Variants in TMEM132B observed in about 807,000 individuals in gnomAD.
TMEM132B encodes transmembrane protein 132B.
TMEM132B carries 18 observed loss-of-function variants against 90.8 expected under a neutral mutation model. The ratio of observed to expected loss-of-function variants is 0.20; its 90% CI spans 0.14 to 0.29. TMEM132B has a LOEUF of 0.29. Among genes scored for constraint, TMEM132B ranks in the 10% least tolerant of loss-of-function variants. The pLI, the probability that TMEM132B is intolerant of heterozygous loss-of-function variation, is 1.00. For synonymous variants in TMEM132B, 504 were observed against 523.3 expected, an observed-to-expected ratio of 0.96 and a Z score of 0.50; for missense variants, 1,096 against 1,326.8, an observed-to-expected ratio of 0.83 and a Z score of 2.70.
chr12:125,616,207 C>T (rs578221204), intron 5 of TMEM132B, among the ~76,000 whole-genome samples: 18 of 151,024 alleles, frequency 1.2e-4, no homozygotes, highest in African/African-American at 2.9e-4. Context: ...TTTGTCCTTG[C>T]GATAGTTTGC....
intron 5 of TMEM132B, among the ~76,000 whole-genome samples, chr12:125,601,374 T>A (rs1387391350): frequency 6.6e-6 from 1 of 151,976 alleles, no homozygotes; most frequent in Non-Finnish European, 1.5e-5. Flanking sequence ...TCCTGGGAAA[T>A]AATGAAATAA....
chr12:125,287,126 C>T (rs1270525087), intron 1 of TMEM132B, among the ~76,000 whole-genome samples: 1 of 151,348 alleles, frequency 6.6e-6, no homozygotes, highest in Non-Finnish European at 1.5e-5. Context: ...CCCTCTCCAT[C>T]TCTCTCTGTC....
intron 1 of TMEM132B, among the ~76,000 whole-genome samples, chr12:125,284,248 C>G (rs1875283478): frequency 6.6e-6 from 1 of 152,216 alleles, no homozygotes; most frequent in Admixed American, 6.5e-5. Flanking sequence ...TACACCTGTT[C>G]CCCAGCCTCC....
chr12:125,420,451 C>A (rs1469122832), intron 3 of TMEM132B, among the ~76,000 whole-genome samples: 1 of 152,192 alleles, frequency 6.6e-6, no homozygotes, highest in Admixed American at 6.5e-5. Flanking sequence ...TTACTTTGGC[C>A]CCGTTTAGTC....
At chr12:125,393,673 G>A (rs989398535) in intron 2 of TMEM132B, among the ~76,000 whole-genome samples, 10 of 152,138 alleles carry the variant, frequency 6.6e-5, no homozygotes, top group African/African-American at 2.4e-4. Flanking sequence ...TAATGAAGGG[G>A]CTTTTGATGA....
At chr12:125,562,811 CT>C (rs1884565971) in intron 4 of TMEM132B, among the ~76,000 whole-genome samples, 1 of 152,076 alleles carries the variant, frequency 6.6e-6, no homozygotes, top group African/African-American at 2.4e-5. Flanking sequence ...TAAGACATGC[CT>C]TTCACCTTAT....
chr12:125,308,040 C>T (rs1311181513), intron 1 of TMEM132B, among the ~76,000 whole-genome samples: 1 of 118,726 alleles, frequency 8.4e-6, no homozygotes, highest in East Asian at 2.1e-4. Context: ...AGTATATATA[C>T]TTGTAATATA....
intron 2 of TMEM132B, among the ~76,000 whole-genome samples, chr12:125,381,587 G>C (rs1054481766): frequency 6.6e-6 from 1 of 152,198 alleles, no homozygotes; most frequent in African/African-American, 2.4e-5. Context: ...GCCTAGCTAT[G>C]GCACATGGAA....
chr12:125,369,103 T>G, intron 2 of TMEM132B, among the ~76,000 whole-genome samples: 1 of 151,178 alleles, frequency 6.6e-6, no homozygotes, highest in Non-Finnish European at 1.5e-5. Flanking sequence ...TTCCCACCTA[T>G]GAGTGAGAAC....
At chr12:125,236,865 A>C (rs928431377) in intron 1 of TMEM132B, among the ~76,000 whole-genome samples, 3 of 152,262 alleles carry the variant, frequency 2.0e-5, no homozygotes, top group Non-Finnish European at 4.4e-5. Flanking sequence ...TTCCAAAAGC[A>C]GACCCCAAGA....
intron 1 of TMEM132B, among the ~76,000 whole-genome samples, chr12:125,265,908 T>C (rs1874682207): frequency 1.3e-5 from 2 of 152,116 alleles, no homozygotes; most frequent in South Asian, 2.1e-4. Flanking sequence ...CTAAGAATAG[T>C]TTTTAAGCTT....
At chr12:125,359,630 T>A (rs1877898053) in intron 2 of TMEM132B, among the ~76,000 whole-genome samples, 1 of 152,242 alleles carries the variant, frequency 6.6e-6, no homozygotes, top group Non-Finnish European at 1.5e-5. Context: ...ACACTGATTT[T>A]ATAAATACCA....
At chr12:125,493,025 C>G (rs1386540156) in intron 3 of TMEM132B, among the ~76,000 whole-genome samples, 2 of 152,130 alleles carry the variant, frequency 1.3e-5, no homozygotes, top group Non-Finnish European at 2.9e-5. Context: ...CGGAGTTCCA[C>G]CCCTGCAGGT....
At chr12:125,572,930 G>A (rs1321878586) in intron 4 of TMEM132B, among the ~76,000 whole-genome samples, 1 of 152,156 alleles carries the variant, frequency 6.6e-6, no homozygotes, top group Non-Finnish European at 1.5e-5. Flanking sequence ...ATTATTTACT[G>A]TGATGCTAAA....
chr12:125,535,046 C>T (rs1883761229), intron 4 of TMEM132B, among the ~76,000 whole-genome samples: 1 of 152,198 alleles, frequency 6.6e-6, no homozygotes, highest in African/African-American at 2.4e-5. Flanking sequence ...CACCATGAGA[C>T]TTCTGCCTAG....
chr12:125,540,892 C>G (rs1883937689), intron 4 of TMEM132B, among the ~76,000 whole-genome samples: 1 of 152,266 alleles, frequency 6.6e-6, no homozygotes, highest in African/African-American at 2.4e-5. Flanking sequence ...GGCCACCTTT[C>G]TGACTTCACC....
At chr12:125,503,461 C>T (rs1387276526) in intron 3 of TMEM132B, among the ~76,000 whole-genome samples, 1 of 152,194 alleles carries the variant, frequency 6.6e-6, no homozygotes, top group African/African-American at 2.4e-5. Flanking sequence ...ATGGTGCTGA[C>T]TCACCGCTGG....
Position 125,593,719 on chromosome 12 carries a change from T to C in TMEM132B, c.1437+9725T>C, listed in dbSNP as rs553591272. Among the ~76,000 whole-genome samples, 42 of 152,292 alleles carry C rather than the reference T, an allele frequency of 2.8e-4. 1 individual carries two copies. In the South Asian group the frequency reaches 8.3e-3, roughly 30 times the overall value. On this transcript the variant is annotated intron_variant, in intron 5 of 8. Transcript: ENST00000682704. The stretch of plus-strand genomic sequence containing the variant: ...GACTCCTGCCCTGCAGCTTTGATGC[T>C]TGAAAAAATGTCAGCTTCATATTCA...
At chr12:125,253,993 A>G (rs190374611) in intron 1 of TMEM132B, among the ~76,000 whole-genome samples, 1 of 152,272 alleles carries the variant, frequency 6.6e-6, no homozygotes, top group East Asian at 1.9e-4. Context: ...GGAAGGAGCA[A>G]GAAAAGCCAA....
Sources: gnomAD v4.1 joint callset for allele counts (sites outside exome capture counted in the v4.1 genomes callset) on GRCh38, gnomAD v4.1.1 for gene constraint, MANE v1.5 for transcripts, NCBI Gene and HGNC (gene_info 2026-07-23, HGNC 2026-07-21) for gene names.